MAP3K5: variants seen among roughly 807,000 people sequenced by gnomAD.
MAP3K5 encodes ASK-1.
In MAP3K5, 56 loss-of-function variants were observed where a neutral mutation model predicts 158.7. The ratio of observed to expected loss-of-function variants is 0.35; its 90% CI spans 0.28 to 0.44. MAP3K5 has a LOEUF of 0.44. Among genes scored for constraint, MAP3K5 ranks in the 20% least tolerant of loss-of-function variants. The pLI is 1.00. For synonymous variants in MAP3K5, 579 were observed against 601.7 expected (o/e 0.96, Z 0.55); for missense variants, 1,294 against 1,674.8 (o/e 0.77, Z 3.97).
chr6:136,568,414 TACTC>T (rs1774215324), intron 25 of MAP3K5, among the ~76,000 whole-genome samples: 1 of 152,226 alleles, frequency 6.6e-6, no homozygotes, highest in Non-Finnish European at 1.5e-5. Context: ...CGCAGGCTGA[TACTC>T]ACATTAGTAA....
chr6:136,656,717 C>A (rs916639438), intron 9 of MAP3K5, among the ~76,000 whole-genome samples: 1 of 151,866 alleles, frequency 6.6e-6, no homozygotes, highest in Admixed American at 6.6e-5. Context: ...CTCCGCCTGC[C>A]GGGTTCATGC....
At position 136,637,397 on chromosome 6, in the gene MAP3K5, C is replaced by T. The variant is rs1237687350; in HGVS notation, c.1944G>A (p.Glu648=). ...CTELHCKKFF[E]MVNTITEEKG... ...TCTCTTCGGTAATGGTGTTCACCAT[C>T]TCAAAAAACCTACAATACAAGTTAG... is the stretch of plus-strand genomic sequence containing the variant. Residue 648 remains glutamate (E), a synonymous_variant, in exon 14 of 30, where the codon GAG becomes GAA. Coordinates refer to ENST00000359015, the MANE Select transcript of MAP3K5 (RefSeq NM_005923.4). 14 of 1,592,432 alleles carry T rather than the reference C, an allele frequency of 8.8e-6. No individual in the cohort carries two copies. In the East Asian group the frequency reaches 3.1e-4, roughly 36 times the overall value.
chr6:136,563,417 A>T (rs1300387395), intron 26 of MAP3K5, among the ~76,000 whole-genome samples: 2 of 152,256 alleles, frequency 1.3e-5, no homozygotes, highest in Non-Finnish European at 2.9e-5. Context: ...AGAAACAGTC[A>T]TAGGTGAGGT....
intron 1 of MAP3K5, among the ~76,000 whole-genome samples, chr6:136,785,432 G>A (rs1247073631): frequency 6.6e-6 from 1 of 152,170 alleles, no homozygotes; most frequent in Non-Finnish European, 1.5e-5. Context: ...GGCTGAGTAA[G>A]CGGTTGCAAT....
intron 3 of MAP3K5, among the ~76,000 whole-genome samples, chr6:136,703,194 C>T (rs2114698016): frequency 6.6e-6 from 1 of 152,286 alleles, no homozygotes; most frequent in East Asian, 1.9e-4. Flanking sequence ...TAAGGACATT[C>T]AGCACCTGAA....
At chr6:136,617,734 G>C (rs538039853) in intron 15 of MAP3K5, among the ~76,000 whole-genome samples, 1 of 152,238 alleles carries the variant, frequency 6.6e-6, no homozygotes, top group Non-Finnish European at 1.5e-5. Context: ...AGGAGTTCAA[G>C]ACCAGCCTGG....
chr6:136,770,438 T>C (rs1177153838), intron 1 of MAP3K5, among the ~76,000 whole-genome samples: 1 of 152,230 alleles, frequency 6.6e-6, no homozygotes, highest in Non-Finnish European at 1.5e-5. Flanking sequence ...TTTAAAGAAA[T>C]GTTAAGTTTA....
intron 8 of MAP3K5, among the ~76,000 whole-genome samples, chr6:136,669,075 TA>T (rs1254165012): frequency 2.0e-5 from 3 of 152,176 alleles, no homozygotes; most frequent in African/African-American, 7.2e-5. Context: ...ACAGGTAAGA[TA>T]AATTAAAAAC....
At chr6:136,605,180 A>G in intron 19 of MAP3K5, 29 bp downstream of exon 19, 1 of 1,604,640 alleles carries the variant, frequency 6.2e-7, no homozygotes, top group Non-Finnish European at 8.5e-7. Context: ...AGCTTTATCC[A>G]TTTGTTTTTA....
intron 25 of MAP3K5, among the ~76,000 whole-genome samples, chr6:136,578,806 A>G (rs1383525578): frequency 2.0e-5 from 3 of 152,194 alleles, no homozygotes; most frequent in Admixed American, 2.0e-4. Flanking sequence ...GAAGAGAGGG[A>G]ATTCCACAAC....
At chr6:136,658,015 C>T (rs1293625538) in intron 9 of MAP3K5, among the ~76,000 whole-genome samples, 2 of 152,160 alleles carry the variant, frequency 1.3e-5, no homozygotes, top group East Asian at 1.9e-4. Flanking sequence ...GTCAGGTGTG[C>T]ACTTTTGAAA....
chr6:136,604,348 A>G (rs1404359387), intron 19 of MAP3K5, among the ~76,000 whole-genome samples: 2 of 152,038 alleles, frequency 1.3e-5, no homozygotes, highest in Non-Finnish European at 2.9e-5. Flanking sequence ...AAAGAAAGAA[A>G]GAAAAAAAGA....
intron 7 of MAP3K5, among the ~76,000 whole-genome samples, chr6:136,683,482 T>A (rs1780019702): frequency 6.6e-6 from 1 of 152,210 alleles, no homozygotes; most frequent in South Asian, 2.1e-4. Context: ...ACCTGACTGA[T>A]GTCTTTCAGC....
At chr6:136,672,411 G>A (rs1044602648) in intron 7 of MAP3K5, among the ~76,000 whole-genome samples, 3 of 152,180 alleles carry the variant, frequency 2.0e-5, no homozygotes, top group African/African-American at 7.2e-5. Flanking sequence ...ATTAGGCTTG[G>A]GCTTGGCATG....
intron 12 of MAP3K5, among the ~76,000 whole-genome samples, chr6:136,640,507 T>C (rs1777876775): frequency 6.6e-6 from 1 of 152,182 alleles, no homozygotes; most frequent in Non-Finnish European, 1.5e-5. Flanking sequence ...AGGCCCAGCT[T>C]AGACCTCACC....
At chr6:136,588,476 T>TA (rs1562526685) in intron 23 of MAP3K5, among the ~76,000 whole-genome samples, 1 of 152,190 alleles carries the variant, frequency 6.6e-6, no homozygotes, top group African/African-American at 2.4e-5. Flanking sequence ...AAAGAAAATG[T>TA]TAGCTGTTAT....
At chr6:136,667,610 C>T (rs1300318726) in intron 8 of MAP3K5, among the ~76,000 whole-genome samples, 1 of 151,960 alleles carries the variant, frequency 6.6e-6, no homozygotes, top group Admixed American at 6.6e-5. Flanking sequence ...AATAAAATAG[C>T]AGAGGTTTTT....
intron 10 of MAP3K5, among the ~76,000 whole-genome samples, chr6:136,654,348 A>C (rs968300182): frequency 3.9e-5 from 6 of 152,354 alleles, no homozygotes; most frequent in African/African-American, 4.8e-5. Flanking sequence ...ATGGGCAAAA[A>C]AATAGTGTCT....
At chr6:136,751,526 T>A (rs975296236) in intron 1 of MAP3K5, among the ~76,000 whole-genome samples, 15 of 152,374 alleles carry the variant, frequency 9.8e-5, no homozygotes, top group African/African-American at 3.6e-4. Flanking sequence ...TGCCTCTGAA[T>A]GCAGAAATCT....
Sources: allele counts gnomAD v4.1 joint callset (sites outside exome capture counted in the v4.1 genomes callset), GRCh38; gene constraint gnomAD v4.1.1; transcripts MANE v1.5; gene names NCBI Gene and HGNC (gene_info 2026-07-23, HGNC 2026-07-21).